MYO5B: variants seen among roughly 807,000 people sequenced by gnomAD.
MYO5B encodes myosin VB.
In MYO5B, 143 loss-of-function variants were observed where a neutral mutation model predicts 229.3. The observed-to-expected ratio is 0.62, with a 90% CI of 0.54 to 0.72. The LOEUF (loss-of-function observed/expected upper bound fraction) is 0.72, where lower values mean the gene tolerates loss of function less well. Among genes scored for constraint, MYO5B ranks in the 30% least tolerant of loss-of-function variants. MYO5B has a pLI of 0.00. For synonymous variants in MYO5B, 918 were observed against 885.2 expected, an observed-to-expected ratio of 1.04 and a Z score of -0.66; for missense variants, 2,321 against 2,331.0, an observed-to-expected ratio of 1.00 and a Z score of 0.09.
rs56886992 is a variant in MYO5B at position 50,115,547 on chromosome 18, G to GACACACACACACAC, written c.28-60183_28-60170dup. ...AAACACACACACACACACACAGAGA[G>GACACACACACACAC]ACACACACACACACACACACACACA... On this transcript the variant is annotated intron_variant, in intron 1 of 39. Coordinates refer to ENST00000285039, the MANE Select transcript of MYO5B (RefSeq NM_001080467.3). Among the ~76,000 whole-genome samples the GACACACACACACAC allele has an allele frequency of 5.6e-5, 7 of 125,180 alleles. No individual in the cohort carries two copies. In the South Asian group the frequency reaches 1.8e-3, roughly 31 times the overall value. The allele number at this position is 125,180 out of a possible 152,430, so 82.1% of individuals were successfully genotyped here.
chr18:49,967,039 A>G (rs1233664318), intron 10 of MYO5B, among the ~76,000 whole-genome samples: 6 of 152,232 alleles, frequency 3.9e-5, no homozygotes, highest in Non-Finnish European at 8.8e-5. Context: ...TTTATATGCT[A>G]AAGAGAACTG....
At chr18:49,918,216 G>A (rs1198889948) in intron 17 of MYO5B, among the ~76,000 whole-genome samples, 3 of 152,216 alleles carry the variant, frequency 2.0e-5, no homozygotes, top group African/African-American at 7.2e-5. Context: ...CTGCTTGCAA[G>A]GGCCCCAATG....
rs540013761 is a variant in MYO5B at position 50,190,753 on chromosome 18, T to G, written c.27+4014A>C. 8.5e-5 allele frequency among the ~76,000 whole-genome samples: 13 copies of G among 152,356 alleles called. No individual in the cohort carries two copies. In the South Asian group the frequency reaches 1.9e-3, roughly 22 times the overall value. ...TTAGATAACTAGAAATACACTAATT[T>G]CTTACTGAACAGTATTTAATACAAG... On this transcript the variant is annotated intron_variant, in intron 1 of 39. Transcript: ENST00000285039.
intron 8 of MYO5B, 84 bp downstream of exon 8, chr18:49,984,634 A>T (rs917777757): frequency 4.3e-5 from 47 of 1,094,066 alleles, no homozygotes; most frequent in Middle Eastern, 5.3e-4. Context: ...GGTTGCTGGC[A>T]AGCACAGTGG....
chr18:50,145,916 T>C (rs567896540), intron 1 of MYO5B, among the ~76,000 whole-genome samples: 1 of 152,344 alleles, frequency 6.6e-6, no homozygotes, highest in African/African-American at 2.4e-5. Context: ...CTGGTGCCTG[T>C]GACACTGATG....
chr18:49,960,539 A>C (rs1169398222), intron 12 of MYO5B, among the ~76,000 whole-genome samples: 3 of 152,236 alleles, frequency 2.0e-5, no homozygotes, highest in Non-Finnish European at 2.9e-5. Context: ...CAGTTCAGTG[A>C]GTTTTGACAA....
intron 1 of MYO5B, among the ~76,000 whole-genome samples, chr18:50,099,631 G>A (rs75064716): frequency 0.01 from 1,553 of 152,306 alleles, 20 homozygotes; most frequent in African/African-American, 0.035. Context: ...CTCAATTAGG[G>A]GTGATTTGGG....
At chr18:50,126,244 G>C (rs1307167444) in intron 1 of MYO5B, among the ~76,000 whole-genome samples, 1 of 152,166 alleles carries the variant, frequency 6.6e-6, no homozygotes, top group East Asian at 1.9e-4. Context: ...AAACAACCCT[G>C]AAACAGGGAA....
chr18:49,952,984 T>C (rs1396607610), intron 14 of MYO5B, among the ~76,000 whole-genome samples: 1 of 151,846 alleles, frequency 6.6e-6, no homozygotes, highest in African/African-American at 2.4e-5. Context: ...TCCCCTCCAT[T>C]AGCAGGCATC....
chr18:49,856,266 T>C (rs1598835720), intron 30 of MYO5B, among the ~76,000 whole-genome samples: 1 of 152,186 alleles, frequency 6.6e-6, no homozygotes, highest in African/African-American at 2.4e-5. Flanking sequence ...TGAGGCCAGA[T>C]GTCAAGGCGC....
At chr18:50,054,747 G>A (rs1243546521) in intron 2 of MYO5B, among the ~76,000 whole-genome samples, 6 of 152,190 alleles carry the variant, frequency 3.9e-5, no homozygotes, top group Non-Finnish European at 5.9e-5. Context: ...GCCAGGCACT[G>A]TTTTAAGTAC....
intron 20 of MYO5B, 72 bp downstream of exon 20, chr18:49,904,600 T>C: frequency 3.1e-6 from 5 of 1,589,170 alleles, no homozygotes; most frequent in East Asian, 2.2e-5. Flanking sequence ...GAGGTTCACG[T>C]TGGCAGTAAT....
chr18:50,089,035 A>C (rs917864391), intron 1 of MYO5B, among the ~76,000 whole-genome samples: 1 of 152,216 alleles, frequency 6.6e-6, no homozygotes, highest in Non-Finnish European at 1.5e-5. Flanking sequence ...TCTGGAAAGC[A>C]AGTCAGTTTC....
chr18:49,901,655 T>C (rs1272546595), intron 21 of MYO5B, among the ~76,000 whole-genome samples: 1 of 152,182 alleles, frequency 6.6e-6, no homozygotes, highest in East Asian at 1.9e-4. Flanking sequence ...CACTCAACTT[T>C]TAAGCAGAAG....
chr18:50,168,360 C>T (rs1444489853), intron 1 of MYO5B, among the ~76,000 whole-genome samples: 6 of 152,234 alleles, frequency 3.9e-5, no homozygotes, highest in Non-Finnish European at 7.3e-5. Flanking sequence ...TTCCAGAAGA[C>T]TCAGGAAAGA....
In MYO5B at chr18:49,864,381, C is replaced by T. The variant is rs56855152; in HGVS notation, c.3604-1G>A. The T allele has an allele frequency of 6.2e-7, 1 of 1,613,034 alleles. No homozygotes were observed. Among genetic ancestry groups the T allele is most frequent in the South Asian group, 1.1e-5 (1 of 91,036 alleles). On this transcript the variant is annotated splice_acceptor_variant, in intron 27 of 39. Transcript: ENST00000285039. LOFTEE classifies it high-confidence loss of function. Reference sequence around the variant, plus strand: ...TGTTCTCTGACTCCAGCTCTTGCCTCTGGAAGACAGCCCAAGGGCCGCTGC... The same window carrying T: ...TGTTCTCTGACTCCAGCTCTTGCCTTTGGAAGACAGCCCAAGGGCCGCTGC...
chr18:50,124,655 T>C (rs1450449958), intron 1 of MYO5B, among the ~76,000 whole-genome samples: 1 of 152,134 alleles, frequency 6.6e-6, no homozygotes, highest in African/African-American at 2.4e-5. Context: ...AAATCCCTCA[T>C]CTGGAATATG....
intron 2 of MYO5B, among the ~76,000 whole-genome samples, chr18:50,046,634 A>T (rs546849522): frequency 6.6e-6 from 1 of 152,290 alleles, no homozygotes; most frequent in Admixed American, 6.5e-5. Context: ...GCTTAAGTCC[A>T]CTTACCCTCA....
At chr18:49,848,281 G>A (rs2024155294) in intron 32 of MYO5B, among the ~76,000 whole-genome samples, 1 of 152,132 alleles carries the variant, frequency 6.6e-6, no homozygotes, top group African/African-American at 2.4e-5. Flanking sequence ...CACGGAGGAG[G>A]TGGGATGAAG....
Sources: allele counts gnomAD v4.1 joint callset (sites outside exome capture counted in the v4.1 genomes callset), GRCh38; gene constraint gnomAD v4.1.1; transcripts MANE v1.5; gene names NCBI Gene and HGNC (gene_info 2026-07-23, HGNC 2026-07-21).